GPM6A: variants seen among roughly 807,000 people sequenced by gnomAD.
The protein encoded by GPM6A is neuronal membrane glycoprotein M6-a.
GPM6A carries 7 observed loss-of-function variants against 32.1 expected under a neutral mutation model. The observed-to-expected ratio is 0.22, with a 90% CI of 0.12 to 0.41. GPM6A has a LOEUF of 0.41. Among genes scored for constraint, GPM6A ranks in the 10% least tolerant of loss-of-function variants. GPM6A has a pLI of 1.00. For missense variants in GPM6A, 235 were observed against 347.2 expected (o/e 0.68, Z 2.57); for synonymous variants, 130 against 123.4 (o/e 1.05, Z -0.35).
At chr4:175,954,029 G>C (rs1220226085) in intron 1 of GPM6A, among the ~76,000 whole-genome samples, 3 of 152,150 alleles carry the variant, frequency 2.0e-5, no homozygotes, top group Non-Finnish European at 2.9e-5. Flanking sequence ...TGATCACTGG[G>C]TGATAGAAAT....
At chr4:175,987,189 C>T (rs1579688788) in intron 1 of GPM6A, among the ~76,000 whole-genome samples, 1 of 152,174 alleles carries the variant, frequency 6.6e-6, no homozygotes, top group African/African-American at 2.4e-5. Context: ...AGCATTCTGT[C>T]TAGCAAATAG....
intron 1 of GPM6A, among the ~76,000 whole-genome samples, chr4:175,756,502 C>T (rs1210323617): frequency 1.3e-5 from 2 of 152,106 alleles, no homozygotes; most frequent in African/African-American, 4.8e-5. Flanking sequence ...CTCCAAATTA[C>T]TGACAGTACT....
chr4:175,854,891 G>A (rs1736369548), intron 1 of GPM6A, among the ~76,000 whole-genome samples: 1 of 152,194 alleles, frequency 6.6e-6, no homozygotes, highest in Non-Finnish European at 1.5e-5. Context: ...AATAGCACCA[G>A]TTGCTCACAC....
At chr4:175,730,595 T>A (rs542735493) in intron 1 of GPM6A, among the ~76,000 whole-genome samples, 19 of 151,962 alleles carry the variant, frequency 1.3e-4, no homozygotes, top group Non-Finnish European at 2.4e-4. Flanking sequence ...CTCAGCCTCC[T>A]GAGTAGGTGG....
intron 1 of GPM6A, among the ~76,000 whole-genome samples, chr4:175,876,331 T>G (rs937369903): frequency 2.6e-5 from 4 of 152,190 alleles, no homozygotes; most frequent in Admixed American, 2.6e-4. Flanking sequence ...ATATGACTCA[T>G]GCAATGGCCA....
At chr4:175,947,415 T>G (rs974399401) in intron 1 of GPM6A, among the ~76,000 whole-genome samples, 1 of 152,008 alleles carries the variant, frequency 6.6e-6, no homozygotes, top group Non-Finnish European at 1.5e-5. Flanking sequence ...AAGTCTAATA[T>G]TCTTAAGAAT....
intron 1 of GPM6A, among the ~76,000 whole-genome samples, chr4:175,888,600 CAT>C (rs1737537215): frequency 6.6e-6 from 1 of 152,014 alleles, no homozygotes; most frequent in Non-Finnish European, 1.5e-5. Context: ...TAATATGTAA[CAT>C]ATTTAATAAC....
intron 1 of GPM6A, among the ~76,000 whole-genome samples, chr4:175,805,215 C>G (rs1015677711): frequency 1.3e-5 from 2 of 151,538 alleles, no homozygotes; most frequent in African/African-American, 2.4e-5. Context: ...ATTAACTAAA[C>G]TTTGTTGCAT....
chr4:175,969,826 G>A (rs1348208796), intron 1 of GPM6A, among the ~76,000 whole-genome samples: 2 of 152,148 alleles, frequency 1.3e-5, no homozygotes, highest in African/African-American at 2.4e-5. Flanking sequence ...GAGGGATGCA[G>A]GGTAAATAGA....
At chr4:175,942,792 A>G (rs1341101761) in intron 1 of GPM6A, among the ~76,000 whole-genome samples, 1 of 152,136 alleles carries the variant, frequency 6.6e-6, no homozygotes, top group Non-Finnish European at 1.5e-5. Flanking sequence ...CTTGTAGTAT[A>G]GTTTGAAGTC....
At chr4:175,852,561 C>A (rs951662931) in intron 1 of GPM6A, among the ~76,000 whole-genome samples, 1 of 152,106 alleles carries the variant, frequency 6.6e-6, no homozygotes, top group African/African-American at 2.4e-5. Flanking sequence ...GCATTCCAAG[C>A]CTTTTCAGTC....
chr4:175,792,673 CA>C (rs1223366850), intron 1 of GPM6A, among the ~76,000 whole-genome samples: 1 of 151,994 alleles, frequency 6.6e-6, no homozygotes, highest in Non-Finnish European at 1.5e-5. Context: ...TTTTAAAATA[CA>C]ATGTAAAACT....
At chr4:175,857,661 ATTG>A (rs1203012433) in intron 1 of GPM6A, among the ~76,000 whole-genome samples, 1 of 152,104 alleles carries the variant, frequency 6.6e-6, no homozygotes, top group Non-Finnish European at 1.5e-5. Context: ...TGCAATATCC[ATTG>A]TTGTTTTTAG....
chr4:175,914,056 T>C (rs1560991299), intron 1 of GPM6A, among the ~76,000 whole-genome samples: 1 of 151,804 alleles, frequency 6.6e-6, no homozygotes, highest in Non-Finnish European at 1.5e-5. Context: ...CAAGTCACCA[T>C]AGGATTTGTG....
intron 1 of GPM6A, among the ~76,000 whole-genome samples, chr4:175,975,576 CA>C (rs1274237715): frequency 6.6e-6 from 1 of 152,228 alleles, no homozygotes; most frequent in African/African-American, 2.4e-5. Context: ...GACTTCTCAG[CA>C]TTGCACTAAT....
At chr4:175,725,993 C>CTT (rs377474451) in intron 1 of GPM6A, among the ~76,000 whole-genome samples, 7,023 of 121,908 alleles carry the variant, frequency 0.058, 409 homozygotes, top group African/African-American at 0.11. Flanking sequence ...CCTGTTTCTT[C>CTT]TTTTTTTTTT....
chr4:175,854,339 A>G lies in GPM6A; in HGVS notation c.-22-42090T>C, dbSNP rs769041232. ...TAAAGTCAGAGTCTGTTTCATCAAG[A>G]ACTCTTTTTATCTGATAGCAATGAA... On this transcript the variant is annotated intron_variant, in intron 1 of 7. Coordinates refer to the GPM6A transcript ENST00000280187. 1.5e-3 allele frequency among the ~76,000 whole-genome samples: 225 copies of G among 152,202 alleles called. 3 individuals carry two copies. The highest frequency in any genetic ancestry group is 4.1e-4 in the Non-Finnish European group (28 of 68,036).
intron 1 of GPM6A, among the ~76,000 whole-genome samples, chr4:175,929,932 A>G (rs1039725644): frequency 9.9e-5 from 15 of 152,144 alleles, no homozygotes; most frequent in African/African-American, 3.6e-4. Flanking sequence ...CTGTCTTGGG[A>G]CTATTTAAAC....
intron 2 of GPM6A, among the ~76,000 whole-genome samples, chr4:175,692,228 A>G (rs1176177897): frequency 6.6e-6 from 1 of 152,300 alleles, no homozygotes; most frequent in South Asian, 2.1e-4. Flanking sequence ...ATTTGTTCTC[A>G]GTCTAGATTT....
Sources: gnomAD v4.1 joint callset for allele counts (sites outside exome capture counted in the v4.1 genomes callset) on GRCh38, gnomAD v4.1.1 for gene constraint, MANE v1.5 for transcripts, NCBI Gene and HGNC (gene_info 2026-07-23, HGNC 2026-07-21) for gene names.